The following RPS6KC1 variants were observed in gnomAD, a reference collection of about 807,000 sequenced individuals.
RPS6KC1 encodes inactive ribosomal protein S6 kinase delta-1.
RPS6KC1 carries 54 observed loss-of-function variants against 103.8 expected under a neutral mutation model. The ratio of observed to expected loss-of-function variants is 0.52; its 90% confidence interval spans 0.42 to 0.65. The LOEUF (loss-of-function observed/expected upper bound fraction) is 0.65. RPS6KC1 is among the 30% of genes least tolerant of loss of function. The probability of loss-of-function intolerance (pLI) is 0.00; values close to 1 mark genes in which losing one functional copy is unlikely to be tolerated. For missense variants in RPS6KC1, 1,151 were observed against 1,253.8 expected, an observed-to-expected ratio of 0.92 and a Z score of 1.24; for synonymous variants, 439 against 438.7, an observed-to-expected ratio of 1.00 and a Z score of -0.01.
At chr1:213,542,499 G>A in the RPS6KC1 span, among the ~76,000 whole-genome samples, 605 of 152,266 alleles carry the variant, frequency 4.0e-3, 4 homozygotes, top group African/African-American at 0.014. Flanking sequence ...AGCTTTGGTT[G>A]TGTCCTTTCT....
the RPS6KC1 span, among the ~76,000 whole-genome samples, chr1:213,598,915 CAAACA>C: frequency 1.2e-3 from 181 of 152,120 alleles, 1 homozygote; most frequent in East Asian, 2.9e-3. Flanking sequence ...GACTATGTCT[CAAACA>C]AAACAAAACA....
At chr1:213,569,643 GTC>G in the RPS6KC1 span, among the ~76,000 whole-genome samples, 1 of 152,030 alleles carries the variant, frequency 6.6e-6, no homozygotes, top group African/African-American at 2.4e-5. Context: ...AAATTACTAG[GTC>G]TTAGGAACAA....
At chr1:213,350,743 A>G in the RPS6KC1 span, among the ~76,000 whole-genome samples, 2 of 152,218 alleles carry the variant, frequency 1.3e-5, no homozygotes, top group Non-Finnish European at 2.9e-5. Flanking sequence ...GTTATATGTT[A>G]TCTTACCATC....
intron 8 of RPS6KC1, among the ~76,000 whole-genome samples, chr1:213,180,289 A>G (rs1333936833): frequency 1.3e-5 from 2 of 152,216 alleles, no homozygotes; most frequent in Admixed American, 6.5e-5. Context: ...GCAAACTAAA[A>G]TCATCTCAGT....
At chr1:213,389,514 G>A in the RPS6KC1 span, among the ~76,000 whole-genome samples, 1 of 152,192 alleles carries the variant, frequency 6.6e-6, no homozygotes, top group Non-Finnish European at 1.5e-5. Flanking sequence ...GCGTGCACAT[G>A]CGTGTGGACA....
chr1:213,546,615 A>G, the RPS6KC1 span, among the ~76,000 whole-genome samples: 1 of 152,172 alleles, frequency 6.6e-6, no homozygotes, highest in African/African-American at 2.4e-5. Flanking sequence ...AGAATTTTAT[A>G]TGTTAGGATT....
chr1:213,456,574 G>T, the RPS6KC1 span, among the ~76,000 whole-genome samples: 1 of 152,130 alleles, frequency 6.6e-6, no homozygotes, highest in African/African-American at 2.4e-5. Context: ...TCCCAGTAAG[G>T]CTCATGTCCT....
the RPS6KC1 span, among the ~76,000 whole-genome samples, chr1:213,514,359 G>T: frequency 6.6e-6 from 1 of 150,834 alleles, no homozygotes; most frequent in Non-Finnish European, 1.5e-5. Flanking sequence ...TAGGTATATC[G>T]CCTAATGCTA....
chr1:213,834,045 T>A, the RPS6KC1 span, among the ~76,000 whole-genome samples: 3 of 152,176 alleles, frequency 2.0e-5, no homozygotes, highest in Non-Finnish European at 4.4e-5. Flanking sequence ...TATGTTCTTT[T>A]TTCGGGGAGG....
the RPS6KC1 span, among the ~76,000 whole-genome samples, chr1:213,310,763 GA>G: frequency 6.6e-6 from 1 of 152,318 alleles, no homozygotes; most frequent in South Asian, 2.1e-4. Context: ...ATATGGAAAT[GA>G]ATAAATTTTG....
chr1:213,060,614 T>A (rs2077748190), intron 1 of RPS6KC1, among the ~76,000 whole-genome samples: 1 of 152,258 alleles, frequency 6.6e-6, no homozygotes, highest in Admixed American at 6.5e-5. Flanking sequence ...TTTCATCTTG[T>A]TTGTTGACAA....
chr1:213,329,526 A>C, the RPS6KC1 span, among the ~76,000 whole-genome samples: 4 of 151,854 alleles, frequency 2.6e-5, no homozygotes, highest in Non-Finnish European at 5.9e-5. Context: ...GGACACCACC[A>C]GATAGAGCCT....
At chr1:213,584,570 AAGTGAC>A in the RPS6KC1 span, among the ~76,000 whole-genome samples, 1 of 152,208 alleles carries the variant, frequency 6.6e-6, no homozygotes, top group African/African-American at 2.4e-5. Context: ...AATCTTCCTG[AAGTGAC>A]TTTGAAATGC....
chr1:213,199,207 C>A (rs1558522197), intron 8 of RPS6KC1, among the ~76,000 whole-genome samples: 1 of 152,148 alleles, frequency 6.6e-6, no homozygotes, highest in African/African-American at 2.4e-5. Flanking sequence ...AAACTTCAGG[C>A]CATTATTTTT....
chr1:213,108,553 T>A (rs1010645876), intron 4 of RPS6KC1, among the ~76,000 whole-genome samples: 1 of 152,236 alleles, frequency 6.6e-6, no homozygotes, highest in South Asian at 2.1e-4. Context: ...GTTATGGCAA[T>A]TTTGAGTTCT....
intron 2 of RPS6KC1, 76 bp from the exon 3 acceptor site, chr1:213,077,620 A>T (rs540692410): frequency 3.3e-6 from 3 of 917,054 alleles, no homozygotes; most frequent in Admixed American, 5.7e-5. Flanking sequence ...GAACACTTTA[A>T]TGAAAGGATT....
chr1:213,687,616 A>T, the RPS6KC1 span, among the ~76,000 whole-genome samples: 1 of 152,222 alleles, frequency 6.6e-6, no homozygotes, highest in Non-Finnish European at 1.5e-5. Context: ...ACACAATGGT[A>T]GATGGGTGGA....
At chr1:213,473,992 GA>G in the RPS6KC1 span, among the ~76,000 whole-genome samples, 1 of 152,144 alleles carries the variant, frequency 6.6e-6, no homozygotes, top group African/African-American at 2.4e-5. Context: ...CCTCCAGCCC[GA>G]ATCTAAGAAC....
At chr1:213,624,253 G>A in the RPS6KC1 span, among the ~76,000 whole-genome samples, 2 of 152,334 alleles carry the variant, frequency 1.3e-5, no homozygotes, top group East Asian at 3.9e-4. Flanking sequence ...CACTTGCTGT[G>A]TACTCAGCAT....
Sources: gnomAD v4.1 joint callset for allele counts (sites outside exome capture counted in the v4.1 genomes callset) on GRCh38, gnomAD v4.1.1 for gene constraint, MANE v1.5 for transcripts, NCBI Gene and HGNC (gene_info 2026-07-23, HGNC 2026-07-21) for gene names.